CASK: variants seen among roughly 807,000 people sequenced by gnomAD.
CASK encodes the protein peripheral plasma membrane protein CASK.
CASK carries 4 observed loss-of-function variants against 82.9 expected under a neutral mutation model. The observed-to-expected ratio is 0.05, with a 90% confidence interval of 0.02 to 0.11. The LOEUF is 0.11. Ranked by LOEUF, CASK falls within the 10% of genes least tolerant of loss-of-function variation. CASK has a pLI of 1.00. For missense variants in CASK, 358 were observed against 720.9 expected, an observed-to-expected ratio of 0.50 and a Z score of 5.76; for synonymous variants, 259 against 253.5, an observed-to-expected ratio of 1.02 and a Z score of -0.20.
Position 41,900,739 on chromosome X carries a change from CTTTTTTTTTTTT to C in CASK, c.59+22179_59+22190del, listed in dbSNP as rs759671263. Among the ~76,000 whole-genome samples, 39 of 50,166 alleles carry C rather than the reference CTTTTTTTTTTTT, an allele frequency of 7.8e-4. 1 individual carries two copies. Among genetic ancestry groups the C allele is most frequent in the African/African-American group, 3.1e-3 (34 of 10,935 alleles). 43.6% of individuals were successfully genotyped at this position (50,166 alleles called of 115,157 possible). A position where few individuals can be genotyped will look rare whatever the true frequency, so the allele number is the denominator to read the frequency against. On this transcript the variant is annotated intron_variant, in intron 1 of 26. Coordinates refer to ENST00000378163, the MANE Select transcript of CASK (RefSeq NM_001367721.1). ...GATGATTATTTGATTATTTTGAAAT[CTTTTTTTTTTTT>C]TTTTTTTTTTTTGAGATGGAGTCTT...
intron 1 of CASK, among the ~76,000 whole-genome samples, chrX:41,903,252 T>C (rs781636752): frequency 8.9e-6 from 1 of 112,419 alleles, no homozygotes; most frequent in Non-Finnish European, 1.9e-5. Context: ...AGTAAATGTG[T>C]GCACATGCAC....
At chrX:41,651,229 G>C (rs1171524556) in intron 8 of CASK, among the ~76,000 whole-genome samples, 1 of 111,773 alleles carries the variant, frequency 8.9e-6, no homozygotes, top group Non-Finnish European at 1.9e-5. Context: ...TGACTAAAAT[G>C]CCTGCCATTT....
intron 5 of CASK, among the ~76,000 whole-genome samples, chrX:41,722,143 A>G (rs1349979370): frequency 8.9e-6 from 1 of 112,520 alleles, no homozygotes; most frequent in Admixed American, 9.4e-5. Context: ...ACTTACACCT[A>G]TCCAGGTATG....
intron 1 of CASK, among the ~76,000 whole-genome samples, chrX:41,865,460 A>C (rs2071574731): frequency 8.9e-6 from 1 of 111,807 alleles, no homozygotes; most frequent in African/African-American, 3.3e-5. Context: ...TGTTTCAAGA[A>C]AATTTGCAAC....
chrX:41,894,598 A>T (rs1486661544), intron 1 of CASK, among the ~76,000 whole-genome samples: 11 of 66,062 alleles, frequency 1.7e-4, no homozygotes, highest in East Asian at 3.4e-4. Context: ...CCCAAATATT[A>T]AAAAAAAAAA....
chrX:41,628,105 G>T (rs981727544), intron 9 of CASK, among the ~76,000 whole-genome samples: 2 of 112,624 alleles, frequency 1.8e-5, no homozygotes, highest in African/African-American at 6.4e-5. Flanking sequence ...AAAGCATTCT[G>T]TAAGTGCATA....
At position 41,850,053 on chromosome X, in the gene CASK, G is replaced by A. The variant is rs973583817; in HGVS notation, c.172+3062C>T. 2.2e-4 allele frequency among the ~76,000 whole-genome samples: 25 copies of A among 111,415 alleles called. No homozygotes were observed. In the Admixed American group the frequency reaches 2.4e-3, roughly 11 times the overall value. ...AAATTAGCTGTGTGTGGTGGCGCAT[G>A]CCTGTAGTCCCAGCTATTCAGGCGG... is the stretch of plus-strand genomic sequence containing the variant. On this transcript the variant is annotated intron_variant, in intron 2 of 26. Coordinates refer to ENST00000378163, the MANE Select transcript of CASK (RefSeq NM_001367721.1).
chrX:41,777,823 T>C (rs2069394126), intron 3 of CASK, among the ~76,000 whole-genome samples: 1 of 112,255 alleles, frequency 8.9e-6, no homozygotes, highest in Non-Finnish European at 1.9e-5. Context: ...ATGTATGTAT[T>C]TGTATGTATT....
chrX:41,762,204 C>T (rs1003400927), intron 3 of CASK, among the ~76,000 whole-genome samples: 4 of 112,148 alleles, frequency 3.6e-5, no homozygotes, highest in Non-Finnish European at 7.5e-5. Flanking sequence ...CTTAGCTCTT[C>T]TCCTCTAATA....
intron 2 of CASK, among the ~76,000 whole-genome samples, chrX:41,831,388 A>AT (rs1290451724): frequency 7.1e-5 from 8 of 112,012 alleles, no homozygotes; most frequent in Admixed American, 1.9e-4. Flanking sequence ...TAGATAAAGT[A>AT]TTTTTTTGCA....
chrX:41,785,941 C>G (rs955776571), intron 3 of CASK, among the ~76,000 whole-genome samples: 6 of 112,195 alleles, frequency 5.3e-5, no homozygotes, highest in Non-Finnish European at 1.1e-4. Flanking sequence ...CTTGCTTGCT[C>G]TGATGAAGCC....
intron 5 of CASK, 120 bp from the exon 6 acceptor site, chrX:41,671,650 A>G: frequency 1.9e-6 from 1 of 512,829 alleles, no homozygotes; most frequent in South Asian, 2.7e-5. Flanking sequence ...AAACACATTA[A>G]AAACTTCTAA....
chrX:41,879,053 T>C (rs1167163949), intron 1 of CASK, among the ~76,000 whole-genome samples: 1 of 111,558 alleles, frequency 9.0e-6, no homozygotes, highest in Non-Finnish European at 1.9e-5. Context: ...AAGGACAGAA[T>C]AGATCTTAAG....
At chrX:41,651,190 T>A (rs1170762440) in intron 8 of CASK, among the ~76,000 whole-genome samples, 1 of 112,140 alleles carries the variant, frequency 8.9e-6, no homozygotes, top group African/African-American at 3.2e-5. Flanking sequence ...TGGTATAATG[T>A]TAAACCACCT....
At chrX:41,715,789 T>C (rs1161848539) in intron 5 of CASK, among the ~76,000 whole-genome samples, 1 of 111,832 alleles carries the variant, frequency 8.9e-6, no homozygotes, top group Non-Finnish European at 1.9e-5. Context: ...TTTTGCACCA[T>C]CTTAGGCACA....
Position 41,626,710 on chromosome X carries a change from CAA to C in CASK, c.916-9_916-8del, listed in dbSNP as rs1210931092. ...CAGCGGCTAGTACTGCACCCTAAAA[CAA>C]AGAGATGAAAAAATAGATTATTAAA... On this transcript the variant is annotated splice_polypyrimidine_tract_variant and splice_region_variant and intron_variant, in intron 9 of 26. Coordinates refer to ENST00000378163, the MANE Select transcript of CASK (RefSeq NM_001367721.1). The C allele has an allele frequency of 9.3e-7, 1 of 1,073,786 alleles. No individual in the cohort carries two copies. The highest frequency in any genetic ancestry group is 1.3e-6 in the Non-Finnish European group (1 of 770,362). 88.5% of individuals were successfully genotyped at this position (1,073,786 alleles called of 1,213,427 possible).
intron 2 of CASK, among the ~76,000 whole-genome samples, chrX:41,807,070 A>G (rs1329540029): frequency 1.8e-5 from 2 of 111,808 alleles, no homozygotes; most frequent in African/African-American, 6.5e-5. Flanking sequence ...CTGAAAAGAG[A>G]CTAATTATTT....
chrX:41,551,425 C>T (rs999518616), intron 21 of CASK, among the ~76,000 whole-genome samples: 1 of 110,833 alleles, frequency 9.0e-6, no homozygotes, highest in African/African-American at 3.4e-5. Flanking sequence ...GCCTCTTGCA[C>T]TCCTAACAAT....
intron 3 of CASK, among the ~76,000 whole-genome samples, chrX:41,772,478 G>A (rs961511167): frequency 2.7e-5 from 3 of 109,810 alleles, no homozygotes; most frequent in African/African-American, 6.6e-5. Context: ...TATCAAGAAT[G>A]AAAAAGAAGA....
Sources: allele counts gnomAD v4.1 joint callset (sites outside exome capture counted in the v4.1 genomes callset), GRCh38; gene constraint gnomAD v4.1.1; transcripts MANE v1.5; gene names NCBI Gene and HGNC (gene_info 2026-07-23, HGNC 2026-07-21).